Variants in PRDM15 observed in about 807,000 individuals in gnomAD.
The protein encoded by PRDM15 is PR/SET domain 15.
PRDM15 carries 64 observed loss-of-function variants against 128.6 expected under a neutral mutation model. The observed-to-expected ratio is 0.50, with a 90% CI of 0.41 to 0.61. PRDM15 has a LOEUF of 0.61. Among genes scored for constraint, PRDM15 ranks in the 20% least tolerant of loss-of-function variants. PRDM15 has a pLI of 0.00. For synonymous variants in PRDM15, 615 were observed against 621.8 expected (o/e 0.99, Z 0.16); for missense variants, 1,242 against 1,569.1 (o/e 0.79, Z 3.52).
rs1162900974 is a variant in PRDM15 at position 41,801,524 on chromosome 21, C to T, written c.3142G>A (p.Val1048Ile). The change falls in exon 24 of 24, where the codon GTC becomes ATC. Residue 1048 changes from valine (V) to isoleucine (I), a missense_variant. Val to Ile is a conservative substitution (Grantham distance 29). Coordinates refer to ENST00000398548, the MANE Select transcript of PRDM15 (RefSeq NM_001040424.3). The stretch of plus-strand genomic sequence containing the variant: ...TTGTGCAACATGGCAGAGCCGCTGA[C>T]GGTATCAAAGGTCACGGTCAGGATT... ...NSILTVTFDT[V>I]SGSAMLHNRQ... is the part of the protein sequence containing the mutation. The T allele has an allele frequency of 2.5e-6, 4 of 1,614,024 alleles. No individual in the cohort carries two copies. Among genetic ancestry groups the T allele is most frequent in the African/African-American group, 1.3e-5 (1 of 74,904 alleles).
intron 5 of PRDM15, among the ~76,000 whole-genome samples, chr21:41,848,039 G>A (rs2063321772): frequency 6.6e-6 from 1 of 152,190 alleles, no homozygotes; most frequent in African/African-American, 2.4e-5. Context: ...ACCTCGTCTG[G>A]CAGCTCTGGG....
At chr21:41,855,956 CCCTCCCTCCCTT>C (rs1568994226) in intron 4 of PRDM15, among the ~76,000 whole-genome samples, 19 of 4,994 alleles carry the variant, frequency 3.8e-3, no homozygotes, top group East Asian at 0.018. Context: ...TTCCCTCCCT[CCCTCCCTCCCTT>C]CCTTCCTTTC....
intron 1 of PRDM15, among the ~76,000 whole-genome samples, chr21:41,864,805 C>G (rs1340350956): frequency 1.3e-5 from 2 of 152,110 alleles, no homozygotes; most frequent in African/African-American, 4.8e-5. Context: ...TCACTGGCTT[C>G]CCACTGTCCC....
rs55653735 is a variant in PRDM15, at chr21:41,868,694, C to CTTTTTT, written c.-9-8328_-9-8323dup. ...TTTGCCCATTTTCCTTTTTCTTTTTCTTTTTTTTTTTTTTTTGAGATGGAG... is the reference window on the plus strand; with the variant it reads ...TTTGCCCATTTTCCTTTTTCTTTTTCTTTTTTTTTTTTTTTTTTTTTTGAGATGGAG... On this transcript the variant is annotated intron_variant, in intron 1 of 23. Coordinates refer to ENST00000398548, the MANE Select transcript of PRDM15 (RefSeq NM_001040424.3). Among the ~76,000 whole-genome samples, 39 of 125,162 alleles carry CTTTTTT rather than the reference C, an allele frequency of 3.1e-4. 1 individual carries two copies. Among genetic ancestry groups the CTTTTTT allele is most frequent in the East Asian group, 6.9e-4 (3 of 4,370 alleles). The allele number at this position is 125,162 out of a possible 152,430, so 82.1% of individuals were successfully genotyped here.
intron 19 of PRDM15, chr21:41,812,252 C>A (rs2061889414): frequency 6.6e-6 from 1 of 152,210 alleles, no homozygotes; most frequent in Non-Finnish European, 1.5e-5. Context: ...TGATTGACAT[C>A]AAACTCATAG....
intron 1 of PRDM15, among the ~76,000 whole-genome samples, chr21:41,867,963 A>T (rs961665183): frequency 1.3e-5 from 2 of 151,956 alleles, no homozygotes; most frequent in African/African-American, 4.8e-5. Flanking sequence ...AGGCTGAGGC[A>T]GGAGAATCAC....
chr21:41,817,345 C>T (rs1001639147), intron 18 of PRDM15, among the ~76,000 whole-genome samples: 3 of 152,108 alleles, frequency 2.0e-5, no homozygotes, highest in Non-Finnish European at 2.9e-5. Context: ...CTGAGTAGTT[C>T]AAGGCCCATG....
chr21:41,874,525 A>ATATATATAT, intron 1 of PRDM15, among the ~76,000 whole-genome samples: 4 of 95,818 alleles, frequency 4.2e-5, no homozygotes, highest in South Asian at 4.0e-4. Context: ...ATATATATAT[A>ATATATATAT]TTTTTTTTTT....
rs772651851 is a variant in PRDM15 at position 41,859,288 on chromosome 21, G to A, written c.131+304C>T. On this transcript the variant is annotated intron_variant, in intron 3 of 23. Coordinates refer to ENST00000398548, the MANE Select transcript of PRDM15 (RefSeq NM_001040424.3). This position sits in a 1 kb window ranked among gnomAD's most constrained non-coding sequence, Gnocchi z 5.3. ...CAGCTTGGCTGCTGGTGCTCAGCACGTCAACCACCTTGGCAAGTCCACTCT... is the reference window on the plus strand; with the variant it reads ...CAGCTTGGCTGCTGGTGCTCAGCACATCAACCACCTTGGCAAGTCCACTCT... The A allele has an allele frequency of 7.4e-5, 111 of 1,504,068 alleles. No individual in the cohort carries two copies. The highest frequency in any genetic ancestry group is 7.0e-5 in the Admixed American group (4 of 57,314). The allele number at this position is 1,504,068 out of a possible 1,614,324, so 93.2% of individuals were successfully genotyped here.
Position 41,836,491 on chromosome 21 carries a change from A to G in PRDM15, c.1160T>C (p.Leu387Pro). 6.2e-7 allele frequency: 1 copy of G among 1,611,758 alleles called. No homozygotes were observed. Residue 387 changes from leucine to proline, a missense_variant, in exon 9 of 24, where the codon CTG becomes CCG. By Grantham distance (98) the Leu-to-Pro change is moderately conservative. Around this residue, in one of 3 missense-constraint regions of PRDM15, gnomAD observed 612 missense variants for 717.0 expected, o/e 0.85. Transcript: ENST00000398548. ...CSKIFQNSSN[L>P]SRHVRSHGDK... ...ACCATGCGAGCGCACGTGCCTGCTCAGGTTGCTGCTGTTCTGGAAGATCTT... is the reference window on the plus strand; with the variant it reads ...ACCATGCGAGCGCACGTGCCTGCTCGGGTTGCTGCTGTTCTGGAAGATCTT...
At chr21:41,846,897 G>C (rs982954257) in intron 6 of PRDM15, among the ~76,000 whole-genome samples, 193 bp downstream of exon 6, 5 of 152,138 alleles carry the variant, frequency 3.3e-5, no homozygotes, top group Admixed American at 6.5e-5. Context: ...CAGGGGTCGG[G>C]GGTGGGAAGC....
intron 1 of PRDM15, among the ~76,000 whole-genome samples, chr21:41,876,020 G>A (rs1413334471): frequency 6.6e-6 from 1 of 152,078 alleles, no homozygotes; most frequent in African/African-American, 2.4e-5. Flanking sequence ...CTTAACTAAC[G>A]GAATACTGTA....
intron 3 of PRDM15, chr21:41,858,903 G>C (rs2063722281): frequency 1.5e-6 from 1 of 663,856 alleles, no homozygotes; most frequent in Admixed American, 2.9e-5. Context: ...TGGAAAGACG[G>C]CGGCCACCTG....
chr21:41,858,777 G>A (rs540121406), intron 3 of PRDM15, among the ~76,000 whole-genome samples: 1 of 151,658 alleles, frequency 6.6e-6, no homozygotes, highest in African/African-American at 2.4e-5. Flanking sequence ...ATGGGAAGAG[G>A]GGGGTTGATC....
intron 6 of PRDM15, among the ~76,000 whole-genome samples, chr21:41,842,253 C>T (rs190279334): frequency 3.3e-4 from 50 of 152,294 alleles, no homozygotes; most frequent in African/African-American, 1.2e-3. Context: ...TGTAACCACT[C>T]GTCCCCACCT....
At chr21:41,843,095 G>T (rs928318491) in intron 6 of PRDM15, among the ~76,000 whole-genome samples, 3 of 151,022 alleles carry the variant, frequency 2.0e-5, no homozygotes, top group Non-Finnish European at 4.4e-5. Flanking sequence ...TGATTTTTTT[G>T]TTTTTTTGTT....
At chr21:41,849,602 G>A (rs948299767) in intron 5 of PRDM15, among the ~76,000 whole-genome samples, 1 of 151,106 alleles carries the variant, frequency 6.6e-6, no homozygotes. Context: ...TAAAATTGTT[G>A]AGTCTTACTG....
At chr21:41,864,912 T>A (rs1331475381) in intron 1 of PRDM15, among the ~76,000 whole-genome samples, 1 of 81,332 alleles carries the variant, frequency 1.2e-5, no homozygotes, top group Non-Finnish European at 2.4e-5. Context: ...CAGCCACGCT[T>A]CCCGGAACGC....
At chr21:41,851,045 T>C (rs922198013) in intron 5 of PRDM15, among the ~76,000 whole-genome samples, 1 of 152,162 alleles carries the variant, frequency 6.6e-6, no homozygotes, top group Non-Finnish European at 1.5e-5. Context: ...CGGCTGCCAA[T>C]ACGGTTCTAG....
Sources: allele counts gnomAD v4.1 joint callset (sites outside exome capture counted in the v4.1 genomes callset), GRCh38; gene constraint gnomAD v4.1.1; regional missense constraint gnomAD v4.1.1; non-coding constraint Gnocchi (gnomAD v3.1); transcripts MANE v1.5; gene names NCBI Gene and HGNC (gene_info 2026-07-23, HGNC 2026-07-21).